The following NMNAT2 variants were observed in gnomAD, a reference collection of about 807,000 sequenced individuals.
The protein encoded by NMNAT2 is nicotinamide/nicotinic acid mononucleotide adenylyltransferase 2.
A neutral mutation model predicts 41.6 loss-of-function variants in NMNAT2; 11 were observed. The ratio of observed to expected loss-of-function variants is 0.26; its 90% CI spans 0.17 to 0.44. NMNAT2 has a LOEUF of 0.44. NMNAT2 is among the 20% of genes least tolerant of loss of function. The pLI is 1.00. For missense variants in NMNAT2, 288 were observed against 407.7 expected (o/e 0.71, Z 2.53); for synonymous variants, 148 against 151.2 (o/e 0.98, Z 0.16).
At chr1:183,332,274 AAAGTT>A (rs1280490319) in intron 1 of NMNAT2, among the ~76,000 whole-genome samples, 13 of 152,232 alleles carry the variant, frequency 8.5e-5, no homozygotes, top group African/African-American at 3.1e-4. Flanking sequence ...CCAGAGTCTT[AAAGTT>A]AAGCCTGCTC....
chr1:183,323,350 C>T (rs1381590114), intron 1 of NMNAT2, among the ~76,000 whole-genome samples: 1 of 152,182 alleles, frequency 6.6e-6, no homozygotes, highest in Non-Finnish European at 1.5e-5. Context: ...GTTATCCTTG[C>T]TTCCTCTTTC....
At chr1:183,351,769 T>C (rs1433200232) in intron 1 of NMNAT2, among the ~76,000 whole-genome samples, 1 of 152,138 alleles carries the variant, frequency 6.6e-6, no homozygotes, top group Non-Finnish European at 1.5e-5. Context: ...CTGCTGGTCC[T>C]TCCACAATCC....
Position 183,293,656 on chromosome 1 carries a change from G to A in NMNAT2, c.174+49C>T, listed in dbSNP as rs201454988. Reference sequence around the variant, plus strand: ...TTCTGCCAGGAACTATCAGGCCAGGGATGGGGGGACGGGGATTGAAGAGGA... The same window carrying A: ...TTCTGCCAGGAACTATCAGGCCAGGAATGGGGGGACGGGGATTGAAGAGGA... On this transcript the variant is annotated intron_variant, in intron 2 of 10. Transcript: ENST00000287713. 4.8e-5 allele frequency: 65 copies of A among 1,362,796 alleles called. No individual in the cohort carries two copies. In the Admixed American group the frequency reaches 1.1e-3, roughly 22 times the overall value. The allele number at this position is 1,362,796 out of a possible 1,614,324, so 84.4% of individuals were successfully genotyped here.
intron 1 of NMNAT2, among the ~76,000 whole-genome samples, chr1:183,350,749 A>G (rs1571614084): frequency 6.6e-6 from 1 of 152,258 alleles, no homozygotes. Context: ...TGCACAACAC[A>G]TTAAACATAA....
intron 8 of NMNAT2, among the ~76,000 whole-genome samples, chr1:183,269,134 A>G (rs1660915525): frequency 6.6e-6 from 1 of 152,230 alleles, no homozygotes; most frequent in African/African-American, 2.4e-5. Flanking sequence ...TTATAAAACA[A>G]AATGACCTTT....
At chr1:183,374,646 A>T (rs1028725368) in intron 1 of NMNAT2, among the ~76,000 whole-genome samples, 7 of 152,206 alleles carry the variant, frequency 4.6e-5, no homozygotes, top group African/African-American at 1.7e-4. Flanking sequence ...ATGCAAGGAA[A>T]ATAGATTTAC....
At chr1:183,253,323 T>A (rs1558105627) in intron 10 of NMNAT2, among the ~76,000 whole-genome samples, 2 of 148,188 alleles carry the variant, frequency 1.3e-5, no homozygotes, top group Non-Finnish European at 3.0e-5. Flanking sequence ...ATTATTTATA[T>A]AAGTGTTAAT....
intron 10 of NMNAT2, among the ~76,000 whole-genome samples, chr1:183,255,779 T>C (rs1660500501): frequency 6.7e-6 from 1 of 150,240 alleles, no homozygotes; most frequent in Admixed American, 6.7e-5. Context: ...TTCTCCTACC[T>C]CGGCCTCCCG....
At chr1:183,274,386 A>C (rs1661071247) in intron 8 of NMNAT2, among the ~76,000 whole-genome samples, 1 of 152,064 alleles carries the variant, frequency 6.6e-6, no homozygotes, top group Non-Finnish European at 1.5e-5. Flanking sequence ...ATCTCTGCTC[A>C]CTGCAATCTC....
intron 7 of NMNAT2, among the ~76,000 whole-genome samples, chr1:183,282,123 T>G (rs1181365177): frequency 6.6e-6 from 1 of 152,224 alleles, no homozygotes; most frequent in Non-Finnish European, 1.5e-5. Context: ...GAGCTGTCCT[T>G]TCTCGGAACC....
chr1:183,303,977 T>C (rs1030393234), intron 1 of NMNAT2, among the ~76,000 whole-genome samples: 1 of 152,268 alleles, frequency 6.6e-6, no homozygotes, highest in Admixed American at 6.5e-5. Context: ...CTCAGACCCC[T>C]GGGCGGAGAA....
chr1:183,315,942 G>A (rs1189070244), intron 1 of NMNAT2, among the ~76,000 whole-genome samples: 1 of 152,112 alleles, frequency 6.6e-6, no homozygotes, highest in Non-Finnish European at 1.5e-5. Context: ...AGTAGCCCAT[G>A]AACTAAAAAA....
chr1:183,414,214 A>C (rs1398684657), intron 1 of NMNAT2, among the ~76,000 whole-genome samples: 2 of 152,008 alleles, frequency 1.3e-5, no homozygotes, highest in Non-Finnish European at 2.9e-5. Context: ...GGAAGCCATG[A>C]CCCTGCTGCT....
intron 8 of NMNAT2, among the ~76,000 whole-genome samples, chr1:183,264,930 C>T (rs1660768475): frequency 6.6e-6 from 1 of 152,188 alleles, no homozygotes; most frequent in South Asian, 2.1e-4. Flanking sequence ...CCTTGAGCCA[C>T]TGGATTCCCC....
chr1:183,385,250 A>C (rs1410748174), intron 1 of NMNAT2, among the ~76,000 whole-genome samples: 2 of 152,054 alleles, frequency 1.3e-5, no homozygotes, highest in African/African-American at 2.4e-5. Context: ...ACATTGGCAA[A>C]ATGAACATCC....
At position 183,290,198 on chromosome 1, in the gene NMNAT2, G is replaced by T; in HGVS notation, c.251C>A (p.Pro84His). The T allele has an allele frequency of 6.3e-7, 1 of 1,582,886 alleles. No homozygotes were observed. The highest frequency in any genetic ancestry group is 8.6e-7 in the Non-Finnish European group (1 of 1,162,908). ...VQNSDWIRVD[P>H]WECYQDTWQT... The stretch of plus-strand genomic sequence containing the variant: ...CCAGGTGTCCTGGTAGCACTCCCAA[G>T]GGTCCACCCTAACATCATCGGAAAG... Residue 84 changes from proline (P) to histidine (H), a missense_variant, in exon 4 of 11, where the codon CCT becomes CAT. Physicochemically the swap from Pro to His is moderately conservative, Grantham distance 77. Around this residue, in one of 3 missense-constraint regions of NMNAT2, gnomAD observed 100 missense variants for 168.5 expected, o/e 0.59. Transcript: ENST00000287713.
chr1:183,310,505 G>A (rs1662089328), intron 1 of NMNAT2, among the ~76,000 whole-genome samples: 1 of 152,038 alleles, frequency 6.6e-6, no homozygotes, highest in African/African-American at 2.4e-5. Flanking sequence ...GATTTCCCAG[G>A]AAAACCAGGA....
At position 183,409,664 on chromosome 1, in the gene NMNAT2, C is replaced by T. The variant is rs547992466; in HGVS notation, c.85+8519G>A. Among the ~76,000 whole-genome samples, 4 of 152,264 alleles carry T rather than the reference C, an allele frequency of 2.6e-5. No homozygotes were observed. In the East Asian group the frequency reaches 7.7e-4, roughly 29 times the overall value. ...AGAAATAGGTCTTGATCAAGACCTC[C>T]AGGATTAGTGCTAAAAACAAGTGTC... On this transcript the variant is annotated intron_variant, in intron 1 of 10. Transcript: ENST00000287713.
At chr1:183,297,235 T>C (rs1328990694) in intron 1 of NMNAT2, among the ~76,000 whole-genome samples, 1 of 151,772 alleles carries the variant, frequency 6.6e-6, no homozygotes, top group East Asian at 1.9e-4. Flanking sequence ...TTCTGTAAAA[T>C]GCCTTCTTTG....
Sources: gnomAD v4.1 joint callset for allele counts (sites outside exome capture counted in the v4.1 genomes callset) on GRCh38, gnomAD v4.1.1 for gene constraint, gnomAD v4.1.1 regional missense constraint, MANE v1.5 for transcripts, NCBI Gene and HGNC (gene_info 2026-07-23, HGNC 2026-07-21) for gene names.